M1AP: variants seen among roughly 807,000 people sequenced by gnomAD.
M1AP encodes the protein meiosis 1 associated protein.
A neutral mutation model predicts 51.2 loss-of-function variants in M1AP; 39 were observed. The ratio of observed to expected loss-of-function variants is 0.76; its 90% CI spans 0.59 to 1.00. The LOEUF (loss-of-function observed/expected upper bound fraction) is 1.00. Among genes scored for constraint, M1AP ranks in the 50% least tolerant of loss-of-function variants. The probability of loss-of-function intolerance (pLI) is 0.00; values close to 1 mark genes in which losing one functional copy is unlikely to be tolerated. For missense variants in M1AP, 545 were observed against 641.2 expected (o/e 0.85, Z 1.62); for synonymous variants, 251 against 249.2 (o/e 1.01, Z -0.07).
At chr2:74,562,528 G>A in intron 7 of M1AP, 105 bp from the exon 8 acceptor site, 3 of 1,276,608 alleles carry the variant, frequency 2.3e-6, no homozygotes, top group Non-Finnish European at 3.3e-6. Context: ...TGCTGAGGAG[G>A]GCAGAGCCAT....
chr2:74,600,963 A>G (rs1019956933), intron 4 of M1AP, among the ~76,000 whole-genome samples: 3 of 152,176 alleles, frequency 2.0e-5, no homozygotes, highest in Admixed American at 6.5e-5. Context: ...GACTTCTACT[A>G]CTATTAATAT....
intron 2 of M1AP, among the ~76,000 whole-genome samples, chr2:74,619,762 A>G (rs1245706000): frequency 6.6e-6 from 1 of 152,194 alleles, no homozygotes; most frequent in Non-Finnish European, 1.5e-5. Flanking sequence ...TACCAGACAT[A>G]TTGAAGAATA....
At chr2:74,625,455 T>C (rs972458239) in intron 2 of M1AP, among the ~76,000 whole-genome samples, 16 of 152,230 alleles carry the variant, frequency 1.1e-4, no homozygotes, top group African/African-American at 3.6e-4. Context: ...TTTGGTTTTA[T>C]ATTATGCTTA....
chr2:74,583,539 A>C (rs1404558645), intron 4 of M1AP, among the ~76,000 whole-genome samples: 1 of 152,228 alleles, frequency 6.6e-6, no homozygotes, highest in East Asian at 1.9e-4. Context: ...TGGTGGAAGA[A>C]GCACAGAGCA....
At chr2:74,583,323 A>C (rs916094770) in intron 4 of M1AP, among the ~76,000 whole-genome samples, 3 of 152,234 alleles carry the variant, frequency 2.0e-5, no homozygotes, top group Middle Eastern at 3.2e-3. Flanking sequence ...AGTCATTGGC[A>C]TACTGTATCT....
chr2:74,621,151 G>T (rs927460091), intron 2 of M1AP, among the ~76,000 whole-genome samples: 2 of 151,702 alleles, frequency 1.3e-5, no homozygotes, highest in African/African-American at 4.8e-5. Context: ...GCGTAGTGGC[G>T]GGCGCCTGTA....
At chr2:74,561,178 GAGGAGA>G in intron 8 of M1AP, among the ~76,000 whole-genome samples, 1 of 143,904 alleles carries the variant, frequency 6.9e-6, no homozygotes, top group Non-Finnish European at 1.5e-5. Context: ...GAAGGAGGAG[GAGGAGA>G]AGGAGGAGGA....
intron 4 of M1AP, among the ~76,000 whole-genome samples, chr2:74,589,417 A>G (rs13422173): frequency 6.6e-6 from 1 of 152,218 alleles, no homozygotes; most frequent in Non-Finnish European, 1.5e-5. Flanking sequence ...GCAATTTGGT[A>G]TTGCTCAGGA....
intron 1 of M1AP, among the ~76,000 whole-genome samples, chr2:74,641,752 A>C (rs1683310212): frequency 6.6e-6 from 1 of 151,888 alleles, no homozygotes; most frequent in Admixed American, 6.6e-5. Flanking sequence ...CTGGGATTAC[A>C]GGTGTGAGCC....
intron 3 of M1AP, among the ~76,000 whole-genome samples, chr2:74,610,399 G>A (rs757962958): frequency 1.3e-5 from 2 of 152,020 alleles, no homozygotes; most frequent in Non-Finnish European, 2.9e-5. Flanking sequence ...TGTTGCCTGT[G>A]CTTTTGAGGT....
intron 3 of M1AP, among the ~76,000 whole-genome samples, chr2:74,613,188 C>T (rs1041912889): frequency 7.2e-5 from 11 of 152,016 alleles, no homozygotes; most frequent in Non-Finnish European, 1.5e-4. Flanking sequence ...TCTTTCATTC[C>T]GTCTGCTTTA....
At chr2:74,575,002 A>G (rs1269048328) in intron 7 of M1AP, among the ~76,000 whole-genome samples, 1 of 152,114 alleles carries the variant, frequency 6.6e-6, no homozygotes, top group Admixed American at 6.5e-5. Flanking sequence ...TCCATTGGAG[A>G]GTGGGTTTCT....
intron 7 of M1AP, among the ~76,000 whole-genome samples, chr2:74,574,856 C>T (rs1319687935): frequency 1.3e-5 from 2 of 152,288 alleles, no homozygotes; most frequent in Admixed American, 1.3e-4. Context: ...TGCCTGCCAC[C>T]CTTCACCTGG....
intron 10 of M1AP, among the ~76,000 whole-genome samples, chr2:74,559,161 TG>T (rs1677727343): frequency 6.8e-6 from 1 of 147,926 alleles, no homozygotes; most frequent in Admixed American, 6.9e-5. Flanking sequence ...TAAGACAAAA[TG>T]AATTTTTTTT....
Position 74,576,050 on chromosome 2 carries a change from G to A in M1AP, c.932+406C>T, listed in dbSNP as rs192342732. 7.9e-5 allele frequency among the ~76,000 whole-genome samples: 12 copies of A among 152,234 alleles called. No homozygotes were observed. The East Asian group carries it at 1.7e-3, about 22-fold the overall frequency. On this transcript the variant is annotated intron_variant, in intron 6 of 10. Transcript: ENST00000421985. ...TTCTATCCTACAATTGGTTCTCCTGGAAGAAGGAATTCTAGTACTTAGAGA... is the reference window on the plus strand; with the variant it reads ...TTCTATCCTACAATTGGTTCTCCTGAAAGAAGGAATTCTAGTACTTAGAGA...
At chr2:74,565,266 C>A (rs1257842598) in intron 7 of M1AP, among the ~76,000 whole-genome samples, 2 of 151,940 alleles carry the variant, frequency 1.3e-5, no homozygotes, top group East Asian at 3.9e-4. Context: ...ATGTTCCAAG[C>A]ACTAGGTGTG....
chr2:74,614,891 A>C, intron 3 of M1AP, 73 bp downstream of exon 3: 1 of 1,343,600 alleles, frequency 7.4e-7, no homozygotes. Flanking sequence ...AACAATGTAA[A>C]GATGATAAAC....
intron 4 of M1AP, among the ~76,000 whole-genome samples, chr2:74,588,489 C>T (rs1236445112): frequency 1.3e-5 from 2 of 152,218 alleles, no homozygotes; most frequent in Non-Finnish European, 2.9e-5. Context: ...AACAGCAGTG[C>T]AGCATCATCC....
intron 3 of M1AP, among the ~76,000 whole-genome samples, chr2:74,610,863 T>A (rs1037947649): frequency 3.3e-5 from 5 of 152,232 alleles, no homozygotes; most frequent in African/African-American, 1.2e-4. Flanking sequence ...CTGAACCTAT[T>A]TTGTTAAGAG....
Sources: gnomAD v4.1 joint callset for allele counts (sites outside exome capture counted in the v4.1 genomes callset) on GRCh38, gnomAD v4.1.1 for gene constraint, MANE v1.5 for transcripts, NCBI Gene and HGNC (gene_info 2026-07-23, HGNC 2026-07-21) for gene names.